The following FN1 variants were observed in gnomAD, a reference collection of about 807,000 sequenced individuals.
FN1 encodes fibronectin 1, also known as fibronectin.
Under a neutral mutation model 297.3 loss-of-function variants are expected in FN1, and 106 were observed. That is an observed-to-expected ratio of 0.36 (90% CI 0.30 to 0.42). The LOEUF is 0.42. Ranked by LOEUF, FN1 falls within the 10% of genes least tolerant of loss-of-function variation. The pLI is 1.00. For synonymous variants in FN1, 1,149 were observed against 1,152.6 expected (o/e 1.00, Z 0.06); for missense variants, 2,690 against 3,124.9 (o/e 0.86, Z 3.32).
intron 28 of FN1, among the ~76,000 whole-genome samples, chr2:215,385,451 A>G (rs2058806872): frequency 6.6e-6 from 1 of 151,454 alleles, no homozygotes; most frequent in African/African-American, 2.4e-5. Flanking sequence ...AGTCCCAGCT[A>G]CTTGGGAGGC....
chr2:215,384,168 G>A lies in FN1; in HGVS notation c.4746C>T (p.Val1582=). Residue 1582 remains valine (V), a synonymous_variant, in exon 30 of 46, where the codon GTC becomes GTT. Coordinates refer to ENST00000354785, the MANE Select transcript of FN1 (RefSeq NM_212482.4). The part of the protein sequence containing the change: ...TYGETGGNSP[V]QEFTVPGSKS... ...TGCTCCCAGGCACAGTGAACTCCTG[G>A]ACAGGGCTATTTCCTCCTGTATGAA... 6.2e-7 allele frequency: 1 copy of A among 1,614,146 alleles called. No individual in the cohort carries two copies. The highest frequency in any genetic ancestry group is 8.5e-7 in the Non-Finnish European group (1 of 1,180,012).
chr2:215,422,331 C>A, intron 9 of FN1, 88 bp from the exon 10 acceptor site: 1 of 1,304,350 alleles, frequency 7.7e-7, no homozygotes, highest in South Asian at 1.2e-5. Flanking sequence ...TCAGTTTGGT[C>A]ATCCTAAGAA....
intron 41 of FN1, 59 bp downstream of exon 41, chr2:215,370,235 G>T: frequency 3.2e-6 from 5 of 1,555,770 alleles, no homozygotes; most frequent in Non-Finnish European, 4.4e-6. Context: ...CAACAGAAAA[G>T]CCCATCTCTG....
At chr2:215,380,230 T>A (rs1488207278) in intron 33 of FN1, 1 of 155,890 alleles carries the variant, frequency 6.4e-6, no homozygotes, top group Admixed American at 6.2e-5. Context: ...CTAGGGTTTA[T>A]GCTGTCACTA....
At chr2:215,421,709 T>G (rs913764017) in intron 10 of FN1, among the ~76,000 whole-genome samples, 1 of 152,240 alleles carries the variant, frequency 6.6e-6, no homozygotes, top group Admixed American at 6.5e-5. Context: ...TCTGGATCTG[T>G]AAGGATCTGA....
rs2059723544 is a variant in FN1, at chr2:215,391,687, C to T, written c.4197G>A (p.Glu1399=). ...FLVRYSPVKN[E]EDVAELSISP... Reference sequence around the variant, plus strand: ...AAATTGACAACTCTGCAACATCTTCCTCATTTTTCACAGGTGAGTAACGCA... The same window carrying T: ...AAATTGACAACTCTGCAACATCTTCTTCATTTTTCACAGGTGAGTAACGCA... The change falls in exon 26 of 46, where the codon GAG becomes GAA. Residue 1399 remains glutamate, a synonymous_variant. Coordinates refer to ENST00000354785, the MANE Select transcript of FN1 (RefSeq NM_212482.4). The T allele has an allele frequency of 6.2e-7, 1 of 1,614,112 alleles. No individual in the cohort carries two copies. The highest frequency in any genetic ancestry group is 8.5e-7 in the Non-Finnish European group (1 of 1,180,014).
chr2:215,435,156 C>T (rs945241010), intron 1 of FN1, among the ~76,000 whole-genome samples: 5 of 152,140 alleles, frequency 3.3e-5, no homozygotes, highest in Non-Finnish European at 1.5e-5. Context: ...AACCTCTGTT[C>T]TTGGTGAAGT....
At chr2:215,400,048 C>G (rs1334228708) in intron 20 of FN1, among the ~76,000 whole-genome samples, 1 of 151,900 alleles carries the variant, frequency 6.6e-6, no homozygotes, top group Non-Finnish European at 1.5e-5. Flanking sequence ...AATTAACTGT[C>G]ATGGTGGCTC....
chr2:215,392,517 A>ATCTCG, intron 25 of FN1: 1 of 249,350 alleles, frequency 4.0e-6, no homozygotes, highest in Non-Finnish European at 7.9e-6. Context: ...AGCATGGTAG[A>ATCTCG]GTTTATCAAA....
At position 215,422,337 on chromosome 2, in the gene FN1, A is replaced by G; in HGVS notation, c.1394-94T>C. On this transcript the variant is annotated intron_variant, in intron 9 of 45. Coordinates refer to ENST00000354785, the MANE Select transcript of FN1 (RefSeq NM_212482.4). ...AGGATCAGTTCAGTTTGGTCATCCTAAGAATTCTCACTTGGGAAGAAGCTT... is the reference window on the plus strand; with the variant it reads ...AGGATCAGTTCAGTTTGGTCATCCTGAGAATTCTCACTTGGGAAGAAGCTT... The G allele has an allele frequency of 4.1e-6, 5 of 1,222,058 alleles. No homozygotes were observed. The East Asian group carries it at 1.2e-4, about 28-fold the overall frequency. The allele number at this position is 1,222,058 out of a possible 1,614,324, so 75.7% of individuals were successfully genotyped here.
intron 26 of FN1, among the ~76,000 whole-genome samples, chr2:215,389,353 T>C (rs902409880): frequency 1.3e-5 from 2 of 152,118 alleles, no homozygotes; most frequent in Non-Finnish European, 2.9e-5. Context: ...TCCACCCGCC[T>C]TGGCCTCTCA....
intron 30 of FN1, 81 bp from the exon 31 acceptor site, chr2:215,383,564 G>T: frequency 1.4e-6 from 2 of 1,402,150 alleles, no homozygotes; most frequent in Non-Finnish European, 2.0e-6. Flanking sequence ...TCTAGGTCTG[G>T]TACATATTCG....
chr2:215,394,243 C>G (rs971976262), intron 24 of FN1, among the ~76,000 whole-genome samples: 1 of 152,206 alleles, frequency 6.6e-6, no homozygotes, highest in Non-Finnish European at 1.5e-5. Flanking sequence ...TTTAGTCATA[C>G]TTCCATGTGA....
In FN1 at chr2:215,372,366, G is replaced by C. The variant is rs1166868842; in HGVS notation, c.6257C>G (p.Pro2086Arg). 6.2e-7 allele frequency: 1 copy of C among 1,614,126 alleles called. No homozygotes were observed. Among genetic ancestry groups the C allele is most frequent in the Admixed American group, 1.7e-5 (1 of 60,016 alleles). ...LIGRKKTDEL[P>R]QLVTLPHPNL... is the part of the protein sequence containing the mutation. ...GGGGTGTGGAAGGGTTACCAGTTGG[G>C]GAAGCTCGTCTAGCCGAGAGAGGTT... Residue 2086 changes from proline to arginine, a missense_variant, in exon 40 of 46, where the codon CCC (proline) becomes CGC (arginine). Physicochemically the swap from Pro to Arg is moderately radical, Grantham distance 103. Around this residue, in one of 3 missense-constraint regions of FN1, gnomAD observed 1,743 missense variants for 1,945.2 expected, o/e 0.90. Coordinates refer to ENST00000354785, the MANE Select transcript of FN1 (RefSeq NM_212482.4).
intron 13 of FN1, among the ~76,000 whole-genome samples, chr2:215,413,264 G>T (rs111684555): frequency 1.3e-5 from 2 of 152,006 alleles, no homozygotes; most frequent in African/African-American, 2.4e-5. Flanking sequence ...GACTACAGGC[G>T]TGCGCCCCCA....
At chr2:215,407,956 ACACAC>A in intron 17 of FN1, 147 bp downstream of exon 17, 9 of 33,200 alleles carry the variant, frequency 2.7e-4, no homozygotes, top group Admixed American at 6.7e-4. Context: ...CACCCCCGCC[ACACAC>A]ACACACACAC....
Position 215,409,589 on chromosome 2 carries a change from T to TCA in FN1, c.2271_2272dup (p.Glu758ValfsTer19). 1 of 1,613,728 alleles carries TCA rather than the reference T, an allele frequency of 6.2e-7. No individual in the cohort carries two copies. The highest frequency in any genetic ancestry group is 1.1e-5 in the South Asian group (1 of 91,052). ...CAGGTACTGTGGCTCATCTCCCTCC[T>TCA]CACTCAGCTCATATTCCACCCGGAA... On this transcript the variant is annotated frameshift_variant, in exon 15 of 46. Transcript: ENST00000354785. LOFTEE classifies it high-confidence loss of function.
Position 215,385,040 on chromosome 2 carries a change from G to A in FN1, c.4613-64C>T, listed in dbSNP as rs2105975077. The A allele has an allele frequency of 4.4e-6, 5 of 1,134,090 alleles. No homozygotes were observed. In the East Asian group the frequency reaches 1.2e-4, roughly 27 times the overall value. 70.3% of individuals were successfully genotyped at this position (1,134,090 alleles called of 1,614,324 possible). On this transcript the variant is annotated intron_variant, in intron 28 of 45. Coordinates refer to ENST00000354785, the MANE Select transcript of FN1 (RefSeq NM_212482.4). ...CAAACAATATTCAGATTTACTGTTT[G>A]TTCATTTTCCAGATAATTGTCTTAA...
chr2:215,385,141 G>C (rs1294841939), intron 28 of FN1, among the ~76,000 whole-genome samples, 165 bp from the exon 29 acceptor site: 1 of 151,642 alleles, frequency 6.6e-6, no homozygotes, highest in East Asian at 1.9e-4. Context: ...CAAGATAAGG[G>C]GTTACAGAGC....
Sources: gnomAD v4.1 joint callset for allele counts (sites outside exome capture counted in the v4.1 genomes callset) on GRCh38, gnomAD v4.1.1 for gene constraint, gnomAD v4.1.1 regional missense constraint, MANE v1.5 for transcripts, NCBI Gene and HGNC (gene_info 2026-07-23, HGNC 2026-07-21) for gene names.